Variants in EPB41L3 observed in about 807,000 individuals in gnomAD.
The protein encoded by EPB41L3 is erythrocyte membrane protein band 4.1 like 3.
A neutral mutation model predicts 127.1 loss-of-function variants in EPB41L3; 57 were observed. The observed-to-expected ratio is 0.45, with a 90% CI of 0.36 to 0.56. The LOEUF is 0.56. Among genes scored for constraint, EPB41L3 ranks in the 20% least tolerant of loss-of-function variants. The pLI is 0.00. For missense variants in EPB41L3, 1,273 were observed against 1,372.2 expected, an observed-to-expected ratio of 0.93 and a Z score of 1.14; for synonymous variants, 572 against 549.5, an observed-to-expected ratio of 1.04 and a Z score of -0.57.
intron 3 of EPB41L3, among the ~76,000 whole-genome samples, chr18:5,557,764 C>T: frequency 6.6e-6 from 1 of 152,154 alleles, no homozygotes; most frequent in Non-Finnish European, 1.5e-5. Flanking sequence ...TAAAAAATTG[C>T]AAATACTCAT....
At chr18:5,500,560 C>A (rs1484802316) in intron 1 of EPB41L3, among the ~76,000 whole-genome samples, 4 of 152,200 alleles carry the variant, frequency 2.6e-5, no homozygotes, top group African/African-American at 9.6e-5. Flanking sequence ...TGTCTGCTAT[C>A]TGGGGATATT....
At chr18:5,519,656 G>A (rs951019786) in intron 1 of EPB41L3, among the ~76,000 whole-genome samples, 1 of 152,188 alleles carries the variant, frequency 6.6e-6, no homozygotes, top group African/African-American at 2.4e-5. Flanking sequence ...TTTTCTCACC[G>A]AGTGACTACA....
At chr18:5,402,640 G>A (rs939197509) in intron 16 of EPB41L3, among the ~76,000 whole-genome samples, 6 of 152,102 alleles carry the variant, frequency 3.9e-5, no homozygotes, top group Non-Finnish European at 1.5e-5. Context: ...AGTTAGCCTA[G>A]TTAATAGAGA....
At chr18:5,613,501 T>C (rs1420998295) in intron 2 of EPB41L3, among the ~76,000 whole-genome samples, 1 of 152,174 alleles carries the variant, frequency 6.6e-6, no homozygotes, top group African/African-American at 2.4e-5. Context: ...TATTGACCCC[T>C]CCAACCAAAC....
chr18:5,529,928 A>ATGTGTG (rs10611279), intron 1 of EPB41L3, among the ~76,000 whole-genome samples: 5,799 of 146,832 alleles, frequency 0.039, 174 homozygotes, highest in African/African-American at 0.073. Flanking sequence ...CAACTCATAT[A>ATGTGTG]TGTGTGTGTG....
intron 1 of EPB41L3, among the ~76,000 whole-genome samples, chr18:5,497,913 G>C (rs1036545695): frequency 5.9e-5 from 9 of 152,142 alleles, no homozygotes; most frequent in African/African-American, 1.4e-4. Context: ...CATTTGTTTC[G>C]ACATAATTTG....
intron 8 of EPB41L3, among the ~76,000 whole-genome samples, chr18:5,430,563 T>C (rs2078859401): frequency 2.6e-5 from 4 of 151,936 alleles, no homozygotes; most frequent in Admixed American, 2.6e-4. Context: ...AAATCTTTTT[T>C]TTTTTCTTTT....
At chr18:5,467,967 C>T (rs556203374) in intron 3 of EPB41L3, among the ~76,000 whole-genome samples, 3 of 152,288 alleles carry the variant, frequency 2.0e-5, no homozygotes, top group Non-Finnish European at 4.4e-5. Context: ...AGGAACCCCC[C>T]TGCCCCTACA....
At chr18:5,512,975 C>A (rs2092599991) in intron 1 of EPB41L3, among the ~76,000 whole-genome samples, 1 of 152,148 alleles carries the variant, frequency 6.6e-6, no homozygotes, top group African/African-American at 2.4e-5. Flanking sequence ...AGATTAGAAT[C>A]CATAGAATAT....
chr18:5,551,437 G>C (rs79983931), intron 3 of EPB41L3, among the ~76,000 whole-genome samples: 1 of 152,028 alleles, frequency 6.6e-6, no homozygotes, highest in Non-Finnish European at 1.5e-5. Flanking sequence ...AAAAACATCC[G>C]CTGAAGGCTG....
rs763935174 is a variant in EPB41L3 at position 5,489,204 on chromosome 18, GA to G, written c.-11-11del. ...GTCATGGTTGATTGTTCTGCAAGCA[GA>G]AAAAAGGGAAGAGCAGGTCACTCCG... On this transcript the variant is annotated splice_polypyrimidine_tract_variant and intron_variant, in intron 1 of 22. Coordinates refer to ENST00000341928, the MANE Select transcript of EPB41L3 (RefSeq NM_012307.5). 5 of 1,585,008 alleles carry G rather than the reference GA, an allele frequency of 3.2e-6. No homozygotes were observed. The Admixed American group carries it at 7.6e-5, about 24-fold the overall frequency.
At chr18:5,583,031 T>C (rs750713303) in intron 3 of EPB41L3, among the ~76,000 whole-genome samples, 82 of 152,028 alleles carry the variant, frequency 5.4e-4, no homozygotes, top group Non-Finnish European at 8.2e-4. Flanking sequence ...GAAAAGTTGG[T>C]GAAAAGAGGT....
rs150325376 is a variant in EPB41L3, at chr18:5,579,806, A to G, written c.-306+32534T>C. 1.6e-3 allele frequency among the ~76,000 whole-genome samples: 237 copies of G among 152,294 alleles called. 1 individual carries two copies. The highest frequency in any genetic ancestry group is 2.9e-3 in the Admixed American group (45 of 15,298). ...GGCTAGAATCCTGGACCTACCACAT[A>G]CTGTAACCAATGTCTCTAGATGGGA... On this transcript the variant is annotated intron_variant, in intron 3 of 21. Coordinates refer to the EPB41L3 transcript ENST00000545076.
chr18:5,626,783 T>C (rs1226861694), intron 1 of EPB41L3, among the ~76,000 whole-genome samples: 1 of 152,240 alleles, frequency 6.6e-6, no homozygotes, highest in African/African-American at 2.4e-5. Context: ...CTTAAAATCC[T>C]ACAAAAATCT....
In EPB41L3 at chr18:5,543,533, G is replaced by C. The variant is rs563059841; in HGVS notation, c.-12+380C>G. On this transcript the variant is annotated intron_variant, in intron 1 of 22. Transcript: ENST00000341928. The surrounding 1 kb of genome is among the most constrained non-coding windows in gnomAD (Gnocchi z 5.2). The stretch of plus-strand genomic sequence containing the variant: ...TTAAAACATGGCGCCCCGGGCGGGG[G>C]ATTTGTGCAAATTGGCGGAGAAGGG... 5 of 147,570 alleles carry C rather than the reference G, an allele frequency of 3.4e-5. No individual in the cohort carries two copies. The highest frequency in any genetic ancestry group is 7.5e-5 in the Non-Finnish European group (5 of 66,270). 9.1% of individuals were successfully genotyped at this position (147,570 alleles called of 1,614,324 possible). A position where few individuals can be genotyped will look rare whatever the true frequency, so the allele number is the denominator to read the frequency against.
intron 1 of EPB41L3, among the ~76,000 whole-genome samples, chr18:5,520,126 A>G (rs1374914739): frequency 6.6e-6 from 1 of 152,218 alleles, no homozygotes; most frequent in African/African-American, 2.4e-5. Flanking sequence ...GATGCCCCAA[A>G]AAGAAATATG....
intron 3 of EPB41L3, among the ~76,000 whole-genome samples, chr18:5,598,298 G>T (rs576699441): frequency 6.6e-6 from 1 of 152,254 alleles, no homozygotes; most frequent in South Asian, 2.1e-4. Context: ...AGAAGCAGAT[G>T]AGAATACACT....
At chr18:5,439,138 T>A (rs1251149763) in intron 5 of EPB41L3, among the ~76,000 whole-genome samples, 2 of 152,096 alleles carry the variant, frequency 1.3e-5, no homozygotes, top group Non-Finnish European at 2.9e-5. Flanking sequence ...AGAGCCTAGG[T>A]CCTGCTTGTA....
intron 7 of EPB41L3, 34 bp downstream of exon 7, chr18:5,433,869 G>A: frequency 3.1e-6 from 5 of 1,608,084 alleles, no homozygotes; most frequent in Non-Finnish European, 4.3e-6. Context: ...TCCCATCAAG[G>A]CACAACTTAA....
Sources: gnomAD v4.1 joint callset for allele counts (sites outside exome capture counted in the v4.1 genomes callset) on GRCh38, gnomAD v4.1.1 for gene constraint, Gnocchi (gnomAD v3.1) non-coding constraint, MANE v1.5 for transcripts, NCBI Gene and HGNC (gene_info 2026-07-23, HGNC 2026-07-21) for gene names.